Variants in MPHOSPH9 observed in about 807,000 individuals in gnomAD.
The protein encoded by MPHOSPH9 is M-phase phosphoprotein 9.
In MPHOSPH9, 88 loss-of-function variants were observed where a neutral mutation model predicts 145.5. That is an observed-to-expected ratio of 0.60 (90% CI 0.51 to 0.72). The LOEUF (loss-of-function observed/expected upper bound fraction) is 0.72. Among genes scored for constraint, MPHOSPH9 ranks in the 30% least tolerant of loss-of-function variants. The probability of loss-of-function intolerance (pLI) is 0.00; values close to 1 mark genes in which losing one functional copy is unlikely to be tolerated. For missense variants in MPHOSPH9, 1,238 were observed against 1,386.6 expected (o/e 0.89, Z 1.70); for synonymous variants, 435 against 486.2 (o/e 0.89, Z 1.39).
chr12:123,158,482 G>A (rs1292820480), intron 23 of MPHOSPH9, among the ~76,000 whole-genome samples: 5 of 152,176 alleles, frequency 3.3e-5, no homozygotes, highest in African/African-American at 4.8e-5. Flanking sequence ...GTGCATGCCT[G>A]TAGTCCTAGC....
chr12:123,224,701 C>T (rs2047366083), intron 3 of MPHOSPH9, among the ~76,000 whole-genome samples: 2 of 152,162 alleles, frequency 1.3e-5, no homozygotes, highest in Non-Finnish European at 2.9e-5. Context: ...AGGGCAGTCC[C>T]CCATGATGAA....
chr12:123,155,209 AT>A lies in MPHOSPH9; in HGVS notation c.*1597del, dbSNP rs1453142154. On this transcript the variant is annotated 3_prime_UTR_variant, in exon 24 of 24. Transcript: ENST00000606320. ...CAAGGGCAAAACTCCATCTAAAAAA[AT>A]AAATAAATAAAATAAAATAAAAATA... 3.5e-5 allele frequency: 3 copies of A among 86,020 alleles called. No individual in the cohort carries two copies. In the East Asian group the frequency reaches 3.1e-3, roughly 90 times the overall value. The allele number at this position is 86,020 out of a possible 1,614,324, so 5.3% of individuals were successfully genotyped here.
chr12:123,199,557 G>A (rs2046125425), intron 11 of MPHOSPH9, among the ~76,000 whole-genome samples: 3 of 152,018 alleles, frequency 2.0e-5, no homozygotes, highest in Admixed American at 1.3e-4. Context: ...GAGGCCGGTG[G>A]ATCACAAGGT....
At chr12:123,222,962 ATGTG>A (rs144990491) in intron 4 of MPHOSPH9, 72 bp downstream of exon 4, 19 of 705,772 alleles carry the variant, frequency 2.7e-5, no homozygotes, top group African/African-American at 8.3e-5. Context: ...GTATATATAT[ATGTG>A]TGTGTGTGTG....
chr12:123,240,676 G>A (rs190842030), intron 1 of MPHOSPH9: 43 of 147,046 alleles, frequency 2.9e-4, no homozygotes, highest in East Asian at 2.6e-3. Context: ...TCCAGAGATT[G>A]ACATCTCATG....
chr12:123,191,790 G>A (rs151151368), intron 13 of MPHOSPH9, among the ~76,000 whole-genome samples: 1 of 152,326 alleles, frequency 6.6e-6, no homozygotes, highest in African/African-American at 2.4e-5. Context: ...AGTCTGACAT[G>A]TCTCCCACTG....
chr12:123,205,797 T>C (rs1163955125), intron 8 of MPHOSPH9, among the ~76,000 whole-genome samples: 1 of 152,162 alleles, frequency 6.6e-6, no homozygotes, highest in African/African-American at 2.4e-5. Context: ...GGGATGCCTC[T>C]TGTAATTAAT....
chr12:123,206,699 G>A lies in MPHOSPH9; in HGVS notation c.1195-3324C>T, dbSNP rs570371913. ...GAGGCTGAGGCAGGTGGGTCACAAG[G>A]TCAGGAGATCGAGACCATCTTGGCC... is the stretch of plus-strand genomic sequence containing the variant. On this transcript the variant is annotated intron_variant, in intron 8 of 23. Transcript: ENST00000606320. Among the ~76,000 whole-genome samples the A allele has an allele frequency of 2.0e-5, 3 of 148,354 alleles. No individual in the cohort carries two copies. In the South Asian group the frequency reaches 6.4e-4, roughly 32 times the overall value.
rs532459137 is a variant in MPHOSPH9 at position 123,180,532 on chromosome 12, A to C, written c.2290-542T>G. On this transcript the variant is annotated intron_variant, in intron 14 of 23. Coordinates refer to ENST00000606320, the MANE Select transcript of MPHOSPH9 (RefSeq NM_022782.4). ...GAATTCAAACATAATTGATAAACTC[A>C]ACCCTACCAAAAGCTAATGCAGTGA... Among the ~76,000 whole-genome samples the C allele has an allele frequency of 3.9e-5, 6 of 152,316 alleles. 1 individual carries two copies. In the South Asian group the frequency reaches 1.0e-3, roughly 26 times the overall value.
At chr12:123,213,438 C>G (rs2046830861) in intron 7 of MPHOSPH9, among the ~76,000 whole-genome samples, 1 of 152,076 alleles carries the variant, frequency 6.6e-6, no homozygotes, top group African/African-American at 2.4e-5. Flanking sequence ...CTCCCAGACT[C>G]AAGCAATCTT....
intron 7 of MPHOSPH9, among the ~76,000 whole-genome samples, chr12:123,210,970 GT>G (rs2046677919): frequency 1.8e-5 from 2 of 108,878 alleles, no homozygotes; most frequent in East Asian, 2.8e-4. Context: ...TTTTTGGTTT[GT>G]TTTTTCTTTT....
intron 1 of MPHOSPH9, among the ~76,000 whole-genome samples, chr12:123,242,362 GT>G (rs1421735763): frequency 1.3e-5 from 2 of 152,130 alleles, no homozygotes; most frequent in Admixed American, 1.3e-4. Flanking sequence ...GCACTTCTCT[GT>G]ACCATTTTTC....
intron 11 of MPHOSPH9, among the ~76,000 whole-genome samples, chr12:123,201,579 T>TC (rs1483246664): frequency 1.3e-5 from 2 of 151,836 alleles, no homozygotes; most frequent in Non-Finnish European, 2.9e-5. Context: ...AGGGTTCCAC[T>TC]ATGTTGCCCA....
intron 12 of MPHOSPH9, among the ~76,000 whole-genome samples, chr12:123,194,901 C>T (rs2045877265): frequency 6.6e-6 from 1 of 151,776 alleles, no homozygotes; most frequent in African/African-American, 2.4e-5. Flanking sequence ...GGATTACAGG[C>T]ATGAGCTACC....
Position 123,154,964 on chromosome 12 carries a change from G to T in MPHOSPH9, c.*1843C>A. On this transcript the variant is annotated 3_prime_UTR_variant, in exon 24 of 24. Transcript: ENST00000606320. ...GAGTTCAGGAGTTTGAGACCAGCCTGGCCAATATGGTGAAACACCATCTCT... is the reference window on the plus strand; with the variant it reads ...GAGTTCAGGAGTTTGAGACCAGCCTTGCCAATATGGTGAAACACCATCTCT... 1 of 148,670 alleles carries T rather than the reference G, an allele frequency of 6.7e-6. No homozygotes were observed. Among genetic ancestry groups the T allele is most frequent in the Non-Finnish European group, 1.5e-5 (1 of 67,392 alleles). The allele number at this position is 148,670 out of a possible 1,614,324, so 9.2% of individuals were successfully genotyped here.
At chr12:123,161,617 A>G (rs910897695) in intron 21 of MPHOSPH9, among the ~76,000 whole-genome samples, 10 of 151,826 alleles carry the variant, frequency 6.6e-5, no homozygotes, top group Admixed American at 6.6e-4. Context: ...TAATGAACTT[A>G]AGCAAACTTC....
intron 1 of MPHOSPH9, among the ~76,000 whole-genome samples, chr12:123,242,316 G>A (rs561544414): frequency 6.6e-6 from 1 of 152,152 alleles, no homozygotes; most frequent in Non-Finnish European, 1.5e-5. Flanking sequence ...AGGGAACTGG[G>A]GCAGAGCTGT....
chr12:123,221,257 A>G, intron 5 of MPHOSPH9, 115 bp downstream of exon 5: 3 of 841,722 alleles, frequency 3.6e-6, no homozygotes, highest in Non-Finnish European at 5.4e-6. Context: ...TCAATTTTCT[A>G]CAGGCAATGA....
In MPHOSPH9 at chr12:123,210,125, G is replaced by A. The variant is rs79902160; in HGVS notation, c.1125C>T (p.His375=). The change falls in exon 8 of 24, where the codon CAC becomes CAT. Residue 375 remains histidine, a synonymous_variant. Transcript: ENST00000606320. ...TCTCTAAAGTTTCAGGCAAAGAGTGGTGCATATCCTTTTCCTCTAGTTTCC... is the reference window on the plus strand; with the variant it reads ...TCTCTAAAGTTTCAGGCAAAGAGTGATGCATATCCTTTTCCTCTAGTTTCC... ...TYWKLEEKDM[H]HSLPETLEKT... is the part of the protein sequence containing the mutation. 8.5e-4 allele frequency: 1,368 copies of A among 1,608,374 alleles called. 10 individuals carry two copies. The East Asian group carries it at 0.018, about 21-fold the overall frequency.
Sources: gnomAD v4.1 joint callset for allele counts (sites outside exome capture counted in the v4.1 genomes callset) on GRCh38, gnomAD v4.1.1 for gene constraint, MANE v1.5 for transcripts, NCBI Gene and HGNC (gene_info 2026-07-23, HGNC 2026-07-21) for gene names.